The following STARD13 variants were observed in gnomAD, a reference collection of about 807,000 sequenced individuals.
STARD13 encodes StAR related lipid transfer domain containing 13.
A neutral mutation model predicts 106.4 loss-of-function variants in STARD13; 62 were observed. The ratio of observed to expected loss-of-function variants is 0.58; its 90% CI spans 0.48 to 0.72. The LOEUF is 0.72. Among genes scored for constraint, STARD13 ranks in the 30% least tolerant of loss-of-function variants. The pLI is 0.00. For missense variants in STARD13, 1,387 were observed against 1,424.0 expected, an observed-to-expected ratio of 0.97 and a Z score of 0.42; for synonymous variants, 565 against 553.0, an observed-to-expected ratio of 1.02 and a Z score of -0.31.
chr13:33,215,869 A>G (rs1396810585), intron 1 of STARD13, among the ~76,000 whole-genome samples: 2 of 152,210 alleles, frequency 1.3e-5, no homozygotes, highest in Non-Finnish European at 2.9e-5. Flanking sequence ...TTAGCAAGAA[A>G]AAATAAACAA....
At chr13:33,423,343 ATGGTCATCATCAC>A in the STARD13 span, among the ~76,000 whole-genome samples, 1 of 152,262 alleles carries the variant, frequency 6.6e-6, no homozygotes, top group African/African-American at 2.4e-5. Flanking sequence ...ACATGAAAAA[ATGGTCATCATCAC>A]TGGTCATCAG....
At chr13:33,341,035 T>C (rs1324971241) in intron 1 of STARD13, among the ~76,000 whole-genome samples, 1 of 152,212 alleles carries the variant, frequency 6.6e-6, no homozygotes, top group East Asian at 1.9e-4. Flanking sequence ...AACTCAACTC[T>C]TTTAGGACTA....
At chr13:33,385,586 G>A in the STARD13 span, among the ~76,000 whole-genome samples, 2,019 of 151,368 alleles carry the variant, frequency 0.013, 34 homozygotes, top group African/African-American at 0.046. Flanking sequence ...TTGGCTGGGC[G>A]CGGTGGCTCA....
At chr13:33,457,476 G>A in the STARD13 span, among the ~76,000 whole-genome samples, 87 of 152,308 alleles carry the variant, frequency 5.7e-4, 1 homozygote, top group African/African-American at 2.1e-3. Context: ...GCCCATTTAA[G>A]TTATTCTATA....
the STARD13 span, among the ~76,000 whole-genome samples, chr13:33,487,820 T>C: frequency 6.6e-6 from 1 of 152,212 alleles, no homozygotes; most frequent in Admixed American, 6.5e-5. Context: ...TATGCTGCAG[T>C]GTGTGATCCA....
chr13:33,114,159 T>C (rs1042775323), intron 8 of STARD13, among the ~76,000 whole-genome samples: 3 of 152,216 alleles, frequency 2.0e-5, no homozygotes, highest in African/African-American at 4.8e-5. Context: ...AGTATATTTA[T>C]ATTACTAAAC....
intron 1 of STARD13, among the ~76,000 whole-genome samples, chr13:33,327,925 G>A (rs2077794847): frequency 1.3e-5 from 2 of 152,202 alleles, no homozygotes; most frequent in African/African-American, 4.8e-5. Context: ...CGGTTCAAAA[G>A]TTGACAATTC....
chr13:33,136,828 C>T (rs556931764), intron 4 of STARD13, among the ~76,000 whole-genome samples: 1 of 152,330 alleles, frequency 6.6e-6, no homozygotes, highest in South Asian at 2.1e-4. Flanking sequence ...GGGACAAGAA[C>T]CTGGGACCTA....
the STARD13 span, among the ~76,000 whole-genome samples, chr13:33,480,415 T>G: frequency 6.6e-6 from 1 of 152,304 alleles, no homozygotes; most frequent in Non-Finnish European, 1.5e-5. Context: ...TTGGTGTGAT[T>G]TGCAAAAATG....
chr13:33,655,199 C>G, the STARD13 span, among the ~76,000 whole-genome samples: 1,996 of 152,316 alleles, frequency 0.013, 54 homozygotes, highest in African/African-American at 0.045. Flanking sequence ...GTAGATGTTA[C>G]TCTTTAGTGG....
At chr13:33,413,133 C>T in the STARD13 span, among the ~76,000 whole-genome samples, 1,567 of 152,200 alleles carry the variant, frequency 0.01, 25 homozygotes, top group African/African-American at 0.035. Flanking sequence ...AATCTCCAAA[C>T]ACTTGGAAAC....
chr13:33,189,179 T>A (rs1157993962), intron 1 of STARD13, among the ~76,000 whole-genome samples: 1 of 152,106 alleles, frequency 6.6e-6, no homozygotes, highest in Non-Finnish European at 1.5e-5. Context: ...AACAAAGCTT[T>A]TTTTATTACT....
intron 1 of STARD13, chr13:33,275,968 C>A (rs1296102087): frequency 1.3e-5 from 2 of 152,214 alleles, no homozygotes; most frequent in Non-Finnish European, 2.9e-5. Context: ...AGTATTGGGA[C>A]CAATAGATAA....
chr13:33,541,635 A>C, the STARD13 span, among the ~76,000 whole-genome samples: 1 of 152,190 alleles, frequency 6.6e-6, no homozygotes, highest in Non-Finnish European at 1.5e-5. Flanking sequence ...TATCTACTTA[A>C]AAGCCTGTAT....
chr13:33,517,198 C>T, the STARD13 span, among the ~76,000 whole-genome samples: 1 of 151,890 alleles, frequency 6.6e-6, no homozygotes, highest in Non-Finnish European at 1.5e-5. Flanking sequence ...CAATGTTCCC[C>T]CCACCCTATT....
the STARD13 span, among the ~76,000 whole-genome samples, chr13:33,465,201 CTTTTTTTT>C: frequency 1.6e-5 from 1 of 60,644 alleles, no homozygotes; most frequent in African/African-American, 5.1e-5. Context: ...TGGTCTTCTT[CTTTTTTTT>C]TTTTTTTTTT....
chr13:33,499,595 T>C, the STARD13 span, among the ~76,000 whole-genome samples: 1 of 48,116 alleles, frequency 2.1e-5, no homozygotes, highest in Non-Finnish European at 4.4e-5. Flanking sequence ...CTTCTTCTTC[T>C]TCTTCTTCTT....
At chr13:33,201,100 G>A (rs1448164556) in intron 1 of STARD13, among the ~76,000 whole-genome samples, 1 of 151,428 alleles carries the variant, frequency 6.6e-6, no homozygotes, top group African/African-American at 2.4e-5. Context: ...ATAAAAAATA[G>A]AAATATGCTT....
the STARD13 span, among the ~76,000 whole-genome samples, chr13:33,525,358 A>G: frequency 6.6e-6 from 1 of 152,094 alleles, no homozygotes; most frequent in Non-Finnish European, 1.5e-5. Context: ...AATATTGAAA[A>G]ACTGAAATAA....
Sources: allele counts gnomAD v4.1 joint callset (sites outside exome capture counted in the v4.1 genomes callset), GRCh38; gene constraint gnomAD v4.1.1; transcripts MANE v1.5; gene names NCBI Gene and HGNC (gene_info 2026-07-23, HGNC 2026-07-21).